USH2A: variants seen among roughly 807,000 people sequenced by gnomAD.
USH2A encodes the protein usherin.
Under a neutral mutation model 538.9 loss-of-function variants are expected in USH2A, and 443 were observed. The ratio of observed to expected loss-of-function variants is 0.82; its 90% CI spans 0.76 to 0.89. The LOEUF is 0.89. Ranked by LOEUF, USH2A falls within the 40% of genes least tolerant of loss-of-function variation. The probability of loss-of-function intolerance (pLI) is 0.00; values close to 1 mark genes in which losing one functional copy is unlikely to be tolerated. For missense variants in USH2A, 6,633 were observed against 6,324.8 expected, an observed-to-expected ratio of 1.05 and a Z score of -1.65; for synonymous variants, 2,413 against 2,273.5, an observed-to-expected ratio of 1.06 and a Z score of -1.75.
At chr1:216,322,239 A>T (rs2037628901) in intron 8 of USH2A, among the ~76,000 whole-genome samples, 1 of 152,148 alleles carries the variant, frequency 6.6e-6, no homozygotes, top group Admixed American at 6.6e-5. Context: ...GGGAAATGGA[A>T]TTTTTTATAT....
intron 62 of USH2A, among the ~76,000 whole-genome samples, chr1:215,677,224 C>A (rs1658060969): frequency 6.6e-6 from 1 of 152,122 alleles, no homozygotes; most frequent in South Asian, 2.1e-4. Context: ...ATCTCTGTAC[C>A]TACTGAAGGC....
chr1:216,009,074 C>T (rs148871206), intron 32 of USH2A, among the ~76,000 whole-genome samples: 14 of 152,058 alleles, frequency 9.2e-5, no homozygotes, highest in African/African-American at 2.7e-4. Flanking sequence ...TTCTGTGCCC[C>T]GACCTCTTAT....
At chr1:215,958,009 G>A (rs1161215415) in intron 37 of USH2A, among the ~76,000 whole-genome samples, 1 of 151,968 alleles carries the variant, frequency 6.6e-6, no homozygotes, top group African/African-American at 2.4e-5. Context: ...CAGATACCAG[G>A]GACTATAAAA....
intron 4 of USH2A, among the ~76,000 whole-genome samples, chr1:216,344,383 A>T (rs1360984814): frequency 6.6e-6 from 1 of 152,046 alleles, no homozygotes; most frequent in African/African-American, 2.4e-5. Flanking sequence ...TGCAAACAAG[A>T]AGCCACCACA....
intron 37 of USH2A, among the ~76,000 whole-genome samples, 167 bp downstream of exon 37, chr1:215,965,150 A>T (rs1439851836): frequency 6.6e-6 from 1 of 152,154 alleles, no homozygotes; most frequent in Non-Finnish European, 1.5e-5. Flanking sequence ...TGGGAACCAC[A>T]TTCTGAGAAC....
chr1:216,258,982 C>T (rs1487237921), intron 11 of USH2A, among the ~76,000 whole-genome samples: 2 of 152,048 alleles, frequency 1.3e-5, no homozygotes, highest in Admixed American at 6.6e-5. Context: ...GCTCTCAACC[C>T]AAATAACATA....
rs937210387 is a variant in USH2A at position 215,900,858 on chromosome 1, T to G, written c.7348A>C (p.Ser2450Arg). 26 of 1,613,660 alleles carry G rather than the reference T, an allele frequency of 1.6e-5. No individual in the cohort carries two copies. Among genetic ancestry groups the G allele is most frequent in the Middle Eastern group, 3.3e-4 (2 of 6,062 alleles). The change falls in exon 39 of 72, where the codon AGT (serine) becomes CGT (arginine). Residue 2450 changes from serine to arginine, a missense_variant. Coordinates refer to ENST00000307340, the MANE Select transcript of USH2A (RefSeq NM_206933.4). ...PPRLSSATPT[S>R]LQVVWSTPAR... ...GGTGTAGACCAGACAACCTGAAGAC[T>G]GGTTGGAGTGGCAGATGAAAGCCTG... is the stretch of plus-strand genomic sequence containing the variant.
chr1:216,087,109 G>T (rs2032159759), intron 23 of USH2A, among the ~76,000 whole-genome samples: 1 of 152,160 alleles, frequency 6.6e-6, no homozygotes, highest in South Asian at 2.1e-4. Flanking sequence ...AGTACGAACT[G>T]CCAGGGCCAA....
chr1:215,803,963 C>G (rs537890963), intron 49 of USH2A, among the ~76,000 whole-genome samples: 1 of 152,164 alleles, frequency 6.6e-6, no homozygotes, highest in East Asian at 1.9e-4. Flanking sequence ...AGAACAGAGC[C>G]CTCAGAAATA....
chr1:216,150,578 G>A lies in USH2A; in HGVS notation c.4627+24674C>T, dbSNP rs1019485218. The stretch of plus-strand genomic sequence containing the variant: ...ACATCTCCCGTCTCCCTACACCTCC[G>A]AACTTCCTTTAACAGCCCTCACCTT... On this transcript the variant is annotated intron_variant, in intron 21 of 71. Transcript: ENST00000307340. 5.3e-5 allele frequency among the ~76,000 whole-genome samples: 8 copies of A among 152,092 alleles called. No individual in the cohort carries two copies. In the East Asian group the frequency reaches 1.2e-3, roughly 22 times the overall value.
intron 62 of USH2A, among the ~76,000 whole-genome samples, chr1:215,678,892 C>T (rs1658130465): frequency 6.6e-6 from 1 of 152,178 alleles, no homozygotes; most frequent in African/African-American, 2.4e-5. Flanking sequence ...TTCTTATTGT[C>T]AATTATGCCA....
rs74818387 is a variant in USH2A, at chr1:216,195,993, T to C, written c.4251+560A>G. 2.9e-3 allele frequency: 510 copies of C among 173,760 alleles called. 3 individuals carry two copies. Among genetic ancestry groups the C allele is most frequent in the African/African-American group, 0.012 (494 of 41,610 alleles). The allele number at this position is 173,760 out of a possible 1,614,324, so 10.8% of individuals were successfully genotyped here. A position where few individuals can be genotyped will look rare whatever the true frequency, so the allele number is the denominator to read the frequency against. On this transcript the variant is annotated intron_variant, in intron 19 of 71. Transcript: ENST00000307340. ...AGTAACTTTTAGCTATGATAATTAT[T>C]CTCACTACTGCTAGCTGGGGGATGA... is the stretch of plus-strand genomic sequence containing the variant.
intron 48 of USH2A, 122 bp downstream of exon 48, chr1:215,816,875 G>T: frequency 1.8e-6 from 2 of 1,092,702 alleles, no homozygotes; most frequent in Non-Finnish European, 2.7e-6. Context: ...TTTCCGTGGA[G>T]TCTTCTTCAT....
intron 3 of USH2A, among the ~76,000 whole-genome samples, chr1:216,373,730 C>A (rs1383727723): frequency 6.6e-6 from 1 of 151,222 alleles, no homozygotes; most frequent in Non-Finnish European, 1.5e-5. Context: ...ATAGAAAAAA[C>A]ACCTCCAGCC....
At chr1:216,280,670 C>A (rs1249811810) in intron 11 of USH2A, among the ~76,000 whole-genome samples, 1 of 150,814 alleles carries the variant, frequency 6.6e-6, no homozygotes, top group South Asian at 2.1e-4. Context: ...ACTTTATGCC[C>A]CTCTCAAGAT....
At chr1:215,823,177 T>A (rs1391585100) in intron 47 of USH2A, among the ~76,000 whole-genome samples, 2 of 152,108 alleles carry the variant, frequency 1.3e-5, no homozygotes, top group East Asian at 1.9e-4. Flanking sequence ...TAGTTTTTTA[T>A]GTCTTGCAGT....
At chr1:215,764,414 T>C (rs1243909924) in intron 56 of USH2A, among the ~76,000 whole-genome samples, 2 of 152,134 alleles carry the variant, frequency 1.3e-5, no homozygotes, top group African/African-American at 2.4e-5. Context: ...CTCACATGGA[T>C]GGCAGTAATT....
chr1:216,207,713 CTTTT>C (rs33954636), intron 15 of USH2A, among the ~76,000 whole-genome samples: 22 of 129,532 alleles, frequency 1.7e-4, no homozygotes, highest in Non-Finnish European at 2.2e-4. Flanking sequence ...CTTTCTTTGC[CTTTT>C]TTTTTTTTTT....
chr1:215,836,750 G>C (rs905863050), intron 47 of USH2A, among the ~76,000 whole-genome samples: 3 of 147,410 alleles, frequency 2.0e-5, no homozygotes, highest in Non-Finnish European at 3.0e-5. Context: ...TAGAGACAGG[G>C]TTTCACCATG....
Sources: gnomAD v4.1 joint callset for allele counts (sites outside exome capture counted in the v4.1 genomes callset) on GRCh38, gnomAD v4.1.1 for gene constraint, MANE v1.5 for transcripts, NCBI Gene and HGNC (gene_info 2026-07-23, HGNC 2026-07-21) for gene names.